Variants in FHIT observed in about 807,000 individuals in gnomAD.
FHIT encodes bis(5'-adenosyl)-triphosphatase.
Under a neutral mutation model 17.9 loss-of-function variants are expected in FHIT, and 19 were observed. That is an observed-to-expected ratio of 1.06 (90% CI 0.74 to 1.56). The LOEUF (loss-of-function observed/expected upper bound fraction) is 1.56. FHIT is among the 40% of genes most tolerant of loss of function. The pLI, the probability that FHIT is intolerant of heterozygous loss-of-function variation, is 0.00. For synonymous variants in FHIT, 81 were observed against 69.7 expected, an observed-to-expected ratio of 1.16 and a Z score of -0.81; for missense variants, 248 against 189.2, an observed-to-expected ratio of 1.31 and a Z score of -1.82.
At chr3:60,826,108 T>C (rs1298427605) in intron 3 of FHIT, among the ~76,000 whole-genome samples, 1 of 151,328 alleles carries the variant, frequency 6.6e-6, no homozygotes, top group Non-Finnish European at 1.5e-5. Context: ...TTTTTTGTTT[T>C]CTGCGAGTAA....
rs935095639 is a variant in FHIT at position 61,060,426 on chromosome 3, G to A, written c.-163-18327C>T. Among the ~76,000 whole-genome samples, 7 of 152,152 alleles carry A rather than the reference G, an allele frequency of 4.6e-5. 1 individual carries two copies. Among genetic ancestry groups the A allele is most frequent in the South Asian group, 4.1e-4 (2 of 4,834 alleles). On this transcript the variant is annotated intron_variant, in intron 2 of 9. Transcript: ENST00000492590. ...CAAAACCATAATGAGCTACTATGAC[G>A]ACAGTCAATCAGGAGACATATCTGT...
chr3:59,992,117 T>C (rs570726098), intron 7 of FHIT, among the ~76,000 whole-genome samples: 2 of 151,976 alleles, frequency 1.3e-5, no homozygotes, highest in Admixed American at 6.6e-5. Context: ...CTAAACAGTA[T>C]TGGATAAGAA....
intron 3 of FHIT, among the ~76,000 whole-genome samples, chr3:60,834,097 G>A (rs1389989059): frequency 1.3e-5 from 2 of 152,186 alleles, no homozygotes; most frequent in Non-Finnish European, 2.9e-5. Flanking sequence ...GAAAATTCAT[G>A]TATGGGCTTT....
In FHIT at chr3:60,587,431, G is replaced by C. The variant is rs181870456; in HGVS notation, c.-17-50452C>G. On this transcript the variant is annotated intron_variant, in intron 4 of 9. Transcript: ENST00000492590. Reference sequence around the variant, plus strand: ...GGCTTAAAACCTAGATGATGGGTTGGTAGGTTCAGTAAACCACCATGGCAC... The same window carrying C: ...GGCTTAAAACCTAGATGATGGGTTGCTAGGTTCAGTAAACCACCATGGCAC... 9.7e-4 allele frequency among the ~76,000 whole-genome samples: 147 copies of C among 152,116 alleles called. 1 individual carries two copies. Among genetic ancestry groups the C allele is most frequent in the Middle Eastern group, 3.4e-3 (1 of 294 alleles).
chr3:60,990,229 T>G (rs1334631808), intron 3 of FHIT, among the ~76,000 whole-genome samples: 1 of 152,210 alleles, frequency 6.6e-6, no homozygotes, highest in African/African-American at 2.4e-5. Context: ...AATTAAAAAC[T>G]TCCTACCAAA....
At chr3:59,968,267 A>G (rs911952859) in intron 7 of FHIT, among the ~76,000 whole-genome samples, 2 of 152,102 alleles carry the variant, frequency 1.3e-5, no homozygotes, top group Non-Finnish European at 2.9e-5. Context: ...AGGTGATGAA[A>G]TCATACAGTT....
intron 3 of FHIT, among the ~76,000 whole-genome samples, chr3:60,953,799 G>A (rs1218290992): frequency 6.6e-6 from 1 of 152,212 alleles, no homozygotes; most frequent in East Asian, 1.9e-4. Context: ...AGTTAGAAGA[G>A]ACGAAGACGA....
intron 4 of FHIT, among the ~76,000 whole-genome samples, chr3:60,685,234 T>C (rs1332117014): frequency 3.9e-5 from 6 of 152,318 alleles, no homozygotes; most frequent in Middle Eastern, 6.8e-3. Flanking sequence ...AAGAGGGCTC[T>C]TGTGCTCACA....
chr3:59,831,290 G>A (rs758048022), intron 8 of FHIT, among the ~76,000 whole-genome samples: 4 of 152,094 alleles, frequency 2.6e-5, no homozygotes, highest in Non-Finnish European at 4.4e-5. Flanking sequence ...TGATGATGAT[G>A]ATGATGATGA....
Position 59,951,393 on chromosome 3 carries a change from G to A in FHIT, c.280-28979C>T, listed in dbSNP as rs1707108924. ...GGTCATCTGAGTTGACAACTTTCAT[G>A]GCCACGGCCACTACGCCCAAGAAAA... On this transcript the variant is annotated intron_variant, in intron 7 of 9. Coordinates refer to ENST00000492590, the MANE Select transcript of FHIT (RefSeq NM_002012.4). 2.0e-5 allele frequency among the ~76,000 whole-genome samples: 3 copies of A among 152,270 alleles called. No individual in the cohort carries two copies. In the South Asian group the frequency reaches 6.2e-4, roughly 32 times the overall value.
At chr3:59,956,801 C>G (rs530775222) in intron 7 of FHIT, among the ~76,000 whole-genome samples, 1 of 152,262 alleles carries the variant, frequency 6.6e-6, no homozygotes, top group African/African-American at 2.4e-5. Context: ...AGCACTGAAA[C>G]TACTACCTGG....
chr3:59,902,951 T>C (rs146143205), intron 8 of FHIT, among the ~76,000 whole-genome samples: 142 of 152,282 alleles, frequency 9.3e-4, no homozygotes, highest in African/African-American at 3.3e-3. Context: ...GCTCTCACCA[T>C]GCACACACAC....
intron 2 of FHIT, among the ~76,000 whole-genome samples, chr3:61,172,149 C>G (rs183006753): frequency 1.2e-4 from 18 of 152,174 alleles, no homozygotes; most frequent in Admixed American, 9.8e-4. Flanking sequence ...AATTTTATCA[C>G]TGGAAGACAG....
At chr3:60,166,005 C>T (rs1488786545) in intron 5 of FHIT, among the ~76,000 whole-genome samples, 1 of 151,998 alleles carries the variant, frequency 6.6e-6, no homozygotes, top group African/African-American at 2.4e-5. Context: ...TCCATAAAAA[C>T]TCACTTTATA....
At chr3:61,097,833 T>C (rs563952116) in intron 2 of FHIT, among the ~76,000 whole-genome samples, 1 of 152,304 alleles carries the variant, frequency 6.6e-6, no homozygotes, top group Admixed American at 6.5e-5. Context: ...AAGTTCCTTA[T>C]ATATGCTGGA....
chr3:61,103,266 T>C (rs983494508), intron 2 of FHIT, among the ~76,000 whole-genome samples: 4 of 152,242 alleles, frequency 2.6e-5, no homozygotes, highest in East Asian at 1.9e-4. Context: ...TTTGTTCTCA[T>C]TGGTTTCAAA....
At chr3:60,143,146 A>AG (rs1364349764) in intron 5 of FHIT, among the ~76,000 whole-genome samples, 137 of 152,310 alleles carry the variant, frequency 9.0e-4, no homozygotes, top group African/African-American at 3.2e-3. Context: ...CCGAGAACAT[A>AG]AGGAACTAAG....
intron 5 of FHIT, among the ~76,000 whole-genome samples, chr3:60,495,524 A>T (rs1468463037): frequency 6.6e-6 from 1 of 152,156 alleles, no homozygotes; most frequent in Non-Finnish European, 1.5e-5. Flanking sequence ...CATTTAAATT[A>T]AAAATCCAAG....
chr3:60,666,709 C>T (rs190624183), intron 4 of FHIT, among the ~76,000 whole-genome samples: 68 of 152,230 alleles, frequency 4.5e-4, no homozygotes, highest in African/African-American at 1.6e-3. Flanking sequence ...CCCTCTATCA[C>T]CCAGGCTGGA....
Sources: allele counts gnomAD v4.1 joint callset (sites outside exome capture counted in the v4.1 genomes callset), GRCh38; gene constraint gnomAD v4.1.1; transcripts MANE v1.5; gene names NCBI Gene and HGNC (gene_info 2026-07-23, HGNC 2026-07-21).